Variants in ATP6AP2 observed in about 807,000 individuals in gnomAD.
The protein encoded by ATP6AP2 is ATPase H+ transporting accessory protein 2.
ATP6AP2 carries 1 observed loss-of-function variant against 23.4 expected under a neutral mutation model. The observed-to-expected ratio is 0.04, with a 90% CI of 0.02 to 0.20. ATP6AP2 has a LOEUF of 0.20. ATP6AP2 is among the 10% of genes least tolerant of loss of function. ATP6AP2 has a pLI of 1.00. For missense variants in ATP6AP2, 174 were observed against 271.3 expected (o/e 0.64, Z 2.52); for synonymous variants, 90 against 97.1 (o/e 0.93, Z 0.43).
intron 8 of ATP6AP2, among the ~76,000 whole-genome samples, chrX:40,602,890 G>A (rs1310197029): frequency 2.0e-5 from 2 of 101,114 alleles, no homozygotes; most frequent in East Asian, 6.2e-4. Context: ...TGTGTTGAGA[G>A]TGGGGATGCC....
In ATP6AP2 at chrX:40,581,020, C is replaced by T. The variant is rs377597654; in HGVS notation, c.-46C>T. On this transcript the variant is annotated 5_prime_UTR_variant, in exon 1 of 9. Transcript: ENST00000636580. Reference sequence around the variant, plus strand: ...GCTGCGGCTGTCGCCCGTGTCCCGCCGGCCCGTTCCGTGTCGCCCCGCAGT... The same window carrying T: ...GCTGCGGCTGTCGCCCGTGTCCCGCTGGCCCGTTCCGTGTCGCCCCGCAGT... 2.6e-6 allele frequency: 3 copies of T among 1,161,017 alleles called. No individual in the cohort carries two copies. Among genetic ancestry groups the T allele is most frequent in the Middle Eastern group, 2.6e-4 (1 of 3,831 alleles).
Position 40,605,627 on chromosome X carries a change from A to G in ATP6AP2, c.925A>G (p.Met309Val), listed in dbSNP as rs1392571759. 8.3e-7 allele frequency: 1 copy of G among 1,209,386 alleles called. No homozygotes were observed. Among genetic ancestry groups the G allele is most frequent in the Admixed American group, 2.2e-5 (1 of 46,005 alleles). ...TTTTGAATATTCCGTGGTTTTCAAC[A>G]TGGTACTTTGGATAATGATCGCCTT... Reference protein sequence around the residue: ...YNFEYSVVFNMVLWIMIALAL... With the variant: ...YNFEYSVVFNVVLWIMIALAL... The change falls in exon 9 of 9, where the codon ATG becomes GTG. Residue 309 changes from methionine (M) to valine (V), a missense_variant. Coordinates refer to ENST00000636580, the MANE Select transcript of ATP6AP2 (RefSeq NM_005765.3).
chrX:40,597,921 ATTC>A, intron 5 of ATP6AP2: 1 of 320,995 alleles, frequency 3.1e-6, no homozygotes, highest in Non-Finnish European at 5.5e-6. Context: ...GCTGGGGTAG[ATTC>A]TTCTTTAGTG....
At chrX:40,604,189 A>G (rs1927012404) in intron 8 of ATP6AP2, among the ~76,000 whole-genome samples, 1 of 112,437 alleles carries the variant, frequency 8.9e-6, no homozygotes, top group African/African-American at 3.2e-5. Context: ...TGGATCATAC[A>G]TACATAAGTA....
chrX:40,606,680 C>A lies in ATP6AP2; in HGVS notation c.*925C>A, dbSNP rs1362639881. ...CTAAATCTATTTTATATTGTAAAAACCTAACAAAACAGGCTTTTCTTTCAT... is the reference window on the plus strand; with the variant it reads ...CTAAATCTATTTTATATTGTAAAAAACTAACAAAACAGGCTTTTCTTTCAT... On this transcript the variant is annotated 3_prime_UTR_variant, in exon 9 of 9. Coordinates refer to ENST00000636580, the MANE Select transcript of ATP6AP2 (RefSeq NM_005765.3). 1.8e-5 allele frequency: 2 copies of A among 111,911 alleles called. No homozygotes were observed. The highest frequency in any genetic ancestry group is 3.8e-5 in the Non-Finnish European group (2 of 53,097). 9.2% of individuals were successfully genotyped at this position (111,911 alleles called of 1,213,427 possible).
chrX:40,594,123 A>G (rs1226885373), intron 3 of ATP6AP2, among the ~76,000 whole-genome samples: 1 of 112,603 alleles, frequency 8.9e-6, no homozygotes, highest in Admixed American at 9.4e-5. Flanking sequence ...GGATTTGTTC[A>G]TTAGCCTGAT....
intron 1 of ATP6AP2, among the ~76,000 whole-genome samples, chrX:40,584,019 G>C (rs1472091518): frequency 1.8e-5 from 2 of 112,062 alleles, no homozygotes; most frequent in Admixed American, 1.9e-4. Context: ...CCAAAGTGGA[G>C]TATGCTAGGT....
chrX:40,597,969 C>A (rs189536699), intron 5 of ATP6AP2: 11 of 264,752 alleles, frequency 4.2e-5, no homozygotes, highest in African/African-American at 3.1e-4. Flanking sequence ...TAAACTGATC[C>A]TTTTTGTGAG....
At chrX:40,584,473 G>A (rs911112065) in intron 1 of ATP6AP2, among the ~76,000 whole-genome samples, 1 of 108,176 alleles carries the variant, frequency 9.2e-6, no homozygotes, top group Non-Finnish European at 1.9e-5. Flanking sequence ...TGGGGTTCAA[G>A]TGATTCTTGT....
At chrX:40,604,700 G>A (rs773716783) in intron 8 of ATP6AP2, among the ~76,000 whole-genome samples, 1 of 111,543 alleles carries the variant, frequency 9.0e-6, no homozygotes, top group African/African-American at 3.3e-5. Context: ...TTAATCCCTT[G>A]CTTTTCTTTA....
chrX:40,581,007 G>A lies in ATP6AP2; in HGVS notation c.-59G>A, dbSNP rs760894305. On this transcript the variant is annotated 5_prime_UTR_variant, in exon 1 of 9. Transcript: ENST00000636580. ...GTCACCTCCTCACGCTGCGGCTGTC[G>A]CCCGTGTCCCGCCGGCCCGTTCCGT... 7.4e-5 allele frequency: 85 copies of A among 1,153,623 alleles called. 1 individual carries two copies. The South Asian group carries it at 1.6e-3, about 21-fold the overall frequency.
intron 8 of ATP6AP2, among the ~76,000 whole-genome samples, chrX:40,602,212 G>T (rs1171036432): frequency 1.2e-4 from 12 of 100,829 alleles, no homozygotes; most frequent in Non-Finnish European, 2.3e-4. Context: ...TACCCGGGAG[G>T]CAGAGGTTGC....
At position 40,599,833 on chromosome X, in the gene ATP6AP2, T is replaced by C. The variant is rs73463376; in HGVS notation, c.738+92T>C. The C allele has an allele frequency of 3.1e-3, 3,434 of 1,092,413 alleles. 70 individuals carry two copies. The African/African-American group carries it at 0.056, about 18-fold the overall frequency. The allele number at this position is 1,092,413 out of a possible 1,213,427, so 90.0% of individuals were successfully genotyped here. A position where few individuals can be genotyped will look rare whatever the true frequency, so the allele number is the denominator to read the frequency against. ...ATCTGCTGTTTCAAACACTGTTGAT[T>C]GAACTCTTATTTGCCTTCTTTGGGG... On this transcript the variant is annotated intron_variant, in intron 7 of 8. Coordinates refer to ENST00000636580, the MANE Select transcript of ATP6AP2 (RefSeq NM_005765.3).
chrX:40,587,749 C>G (rs1021224482), intron 1 of ATP6AP2, among the ~76,000 whole-genome samples: 3 of 111,975 alleles, frequency 2.7e-5, no homozygotes, highest in South Asian at 3.7e-4. Context: ...ATCTGTAGTC[C>G]TAGCTACTCA....
At chrX:40,590,917 A>T (rs1240838690) in intron 2 of ATP6AP2, 1 of 237,484 alleles carries the variant, frequency 4.2e-6, no homozygotes, top group Admixed American at 6.4e-5. Flanking sequence ...TACATGAAGA[A>T]AATATTTTGT....
At chrX:40,583,012 C>T (rs1171775398) in intron 1 of ATP6AP2, among the ~76,000 whole-genome samples, 3 of 112,091 alleles carry the variant, frequency 2.7e-5, no homozygotes, top group Non-Finnish European at 5.6e-5. Context: ...TCTTTAAGAG[C>T]TCTGACTTCT....
At chrX:40,602,913 CTT>C (rs1351897356) in intron 8 of ATP6AP2, among the ~76,000 whole-genome samples, 1 of 45,223 alleles carries the variant, frequency 2.2e-5, no homozygotes, top group Non-Finnish European at 3.4e-5. Context: ...CCAGAGAATT[CTT>C]TTTTTTTTTT....
rs1226152622 is a variant in ATP6AP2 at position 40,605,552 on chromosome X, A to G, written c.859-9A>G. ...CCCTCTTGATTTTTCTTTCTTTTCT[A>G]TATTGTAGAAGAACCCAGCAAGTCC... On this transcript the variant is annotated splice_polypyrimidine_tract_variant and intron_variant, in intron 8 of 8. Transcript: ENST00000636580. The G allele has an allele frequency of 9.3e-6, 11 of 1,186,603 alleles. No homozygotes were observed. Among genetic ancestry groups the G allele is most frequent in the African/African-American group, 5.3e-5 (3 of 56,731 alleles).
intron 1 of ATP6AP2, among the ~76,000 whole-genome samples, chrX:40,586,345 G>A (rs897589211): frequency 9.0e-6 from 1 of 111,592 alleles, no homozygotes; most frequent in African/African-American, 3.3e-5. Flanking sequence ...AAGGAACAAA[G>A]GTCCCTAAAA....
Sources: allele counts gnomAD v4.1 joint callset (sites outside exome capture counted in the v4.1 genomes callset), GRCh38; gene constraint gnomAD v4.1.1; transcripts MANE v1.5; gene names NCBI Gene and HGNC (gene_info 2026-07-23, HGNC 2026-07-21).